Variants in PCDH17 observed in about 807,000 individuals in gnomAD.
PCDH17 encodes the protein protocadherin-17.
A neutral mutation model predicts 67.7 loss-of-function variants in PCDH17; 21 were observed. That is an observed-to-expected ratio of 0.31 (90% CI 0.22 to 0.45). PCDH17 has a LOEUF of 0.45. Ranked by LOEUF, PCDH17 falls within the 20% of genes least tolerant of loss-of-function variation. PCDH17 has a pLI of 1.00. For synonymous variants in PCDH17, 701 were observed against 656.7 expected (o/e 1.07, Z -1.03); for missense variants, 1,471 against 1,564.8 (o/e 0.94, Z 1.01).
chr13:57,632,661 G>A lies in PCDH17; in HGVS notation c.115G>A (p.Gly39Ser), dbSNP rs555111507. ...GGCCGGCACGGTGATCGGGAACATC[G>A]GCAGGGATGCTCGACTGCAGCCTGG... ...QGAGTVIGNI[G>S]RDARLQPGLP... Residue 39 changes from glycine to serine, a missense_variant, in exon 1 of 4, where the codon GGC (glycine) becomes AGC (serine). Gly to Ser is a moderately conservative substitution (Grantham distance 56, BLOSUM62 0). Around this residue, in one of 3 missense-constraint regions of PCDH17, gnomAD observed 1,163 missense variants for 1,230.0 expected, o/e 0.95. Transcript: ENST00000377918. 33 of 1,612,190 alleles carry A rather than the reference G, an allele frequency of 2.0e-5. No individual in the cohort carries two copies. Among genetic ancestry groups the A allele is most frequent in the South Asian group, 1.3e-4 (12 of 91,084 alleles).
intron 3 of PCDH17, among the ~76,000 whole-genome samples, chr13:57,703,849 A>G (rs1824910184): frequency 1.3e-5 from 2 of 152,118 alleles, no homozygotes; most frequent in South Asian, 4.1e-4. Flanking sequence ...TTTTCTTTGA[A>G]TTCCAAAAGT....
At chr13:57,699,048 G>A (rs1955637937) in intron 3 of PCDH17, among the ~76,000 whole-genome samples, 1 of 151,700 alleles carries the variant, frequency 6.6e-6, no homozygotes, top group Non-Finnish European at 1.5e-5. Flanking sequence ...TGAAGTATTA[G>A]AGATAACGGC....
intron 3 of PCDH17, among the ~76,000 whole-genome samples, chr13:57,700,996 C>T (rs1421412792): frequency 6.6e-6 from 1 of 151,982 alleles, no homozygotes; most frequent in African/African-American, 2.4e-5. Flanking sequence ...AACCCCATCT[C>T]AGTAACAATA....
chr13:57,663,377 T>G (rs2138019455), intron 1 of PCDH17, among the ~76,000 whole-genome samples: 1 of 152,272 alleles, frequency 6.6e-6, no homozygotes, highest in East Asian at 1.9e-4. Context: ...GACTTAAAAT[T>G]TATGAATTAT....
At chr13:57,714,422 T>C (rs527994686) in intron 3 of PCDH17, among the ~76,000 whole-genome samples, 35 of 151,774 alleles carry the variant, frequency 2.3e-4, no homozygotes, top group African/African-American at 8.4e-4. Context: ...GATTACCACT[T>C]TGCTAGGAGG....
In PCDH17 at chr13:57,633,848, A is replaced by G. The variant is rs897067156; in HGVS notation, c.1302A>G (p.Thr434=). ...VVTDRPLDRE[T]QDEYNVTIVA... is the part of the protein sequence containing the mutation. ...CTGACCGCCCGCTGGACCGCGAGAC[A>G]CAAGACGAGTACAACGTGACCATCG... The change falls in exon 1 of 4, where the codon ACA becomes ACG. Residue 434 remains threonine (T), a synonymous_variant. Coordinates refer to ENST00000377918, the MANE Select transcript of PCDH17 (RefSeq NM_001040429.3). The surrounding 1 kb of genome is among the most constrained non-coding windows in gnomAD (Gnocchi z 6.2). The G allele has an allele frequency of 6.2e-7, 1 of 1,612,994 alleles. No individual in the cohort carries two copies. Among genetic ancestry groups the G allele is most frequent in the Non-Finnish European group, 8.5e-7 (1 of 1,180,028 alleles).
intron 1 of PCDH17, among the ~76,000 whole-genome samples, chr13:57,644,016 G>T (rs1398112105): frequency 6.6e-6 from 1 of 151,604 alleles, no homozygotes; most frequent in African/African-American, 2.4e-5. Flanking sequence ...AGTGTAGAGT[G>T]AGATACAGGA....
intron 1 of PCDH17, among the ~76,000 whole-genome samples, chr13:57,641,240 G>A (rs1041142313): frequency 6.6e-5 from 10 of 151,556 alleles, no homozygotes; most frequent in African/African-American, 2.4e-4. Context: ...TTAGTCATAA[G>A]CTTTCACCAC....
intron 3 of PCDH17, among the ~76,000 whole-genome samples, chr13:57,690,402 A>G (rs1368176239): frequency 6.6e-6 from 1 of 151,716 alleles, no homozygotes; most frequent in East Asian, 1.9e-4. Flanking sequence ...AAGAATTACT[A>G]TAATATCATC....
In PCDH17 at chr13:57,725,547, AAGAG is replaced by A. The variant is rs1293032281; in HGVS notation, c.*257_*260del. On this transcript the variant is annotated 3_prime_UTR_variant, in exon 4 of 4. Coordinates refer to ENST00000377918, the MANE Select transcript of PCDH17 (RefSeq NM_001040429.3). ...ATGATGCTTAAAGAGAAAAGAAAAA[AAGAG>A]AGAAGAAAAAGGAGAGATGAAAAAG... 4.9e-6 allele frequency: 2 copies of A among 404,240 alleles called. No homozygotes were observed. The highest frequency in any genetic ancestry group is 8.8e-6 in the Non-Finnish European group (2 of 226,968). 25.0% of individuals were successfully genotyped at this position (404,240 alleles called of 1,614,324 possible).
At chr13:57,708,855 A>G (rs1593943979) in intron 3 of PCDH17, among the ~76,000 whole-genome samples, 1 of 151,932 alleles carries the variant, frequency 6.6e-6, no homozygotes, top group African/African-American at 2.4e-5. Context: ...TTCAGGCAGC[A>G]ATTGATTTCT....
At chr13:57,670,999 A>G (rs2138030981) in intron 3 of PCDH17, among the ~76,000 whole-genome samples, 1 of 152,100 alleles carries the variant, frequency 6.6e-6, no homozygotes, top group East Asian at 1.9e-4. Flanking sequence ...ACCCGTTAGT[A>G]GAAAGAGGTT....
Position 57,698,629 on chromosome 13 carries a change from C to T in PCDH17, c.2798-25983C>T, listed in dbSNP as rs543278723. Among the ~76,000 whole-genome samples, 4 of 151,846 alleles carry T rather than the reference C, an allele frequency of 2.6e-5. No homozygotes were observed. The East Asian group carries it at 7.8e-4, about 30-fold the overall frequency. On this transcript the variant is annotated intron_variant, in intron 3 of 3. Transcript: ENST00000377918. ...TATAGTGAAATAAGTTTACCTATTC[C>T]GCAGAAATCATTGAGTAATGTGATC...
At chr13:57,665,226 C>T (rs1955235721) in intron 1 of PCDH17, among the ~76,000 whole-genome samples, 1 of 149,536 alleles carries the variant, frequency 6.7e-6, no homozygotes, top group African/African-American at 2.5e-5. Context: ...TTTAAACTAT[C>T]ATTCTTTAAT....
At chr13:57,723,677 T>A (rs1955889496) in intron 3 of PCDH17, among the ~76,000 whole-genome samples, 1 of 152,136 alleles carries the variant, frequency 6.6e-6, no homozygotes, top group African/African-American at 2.4e-5. Flanking sequence ...AAGGGACAAC[T>A]GGGACGATGT....
intron 3 of PCDH17, among the ~76,000 whole-genome samples, chr13:57,705,879 G>A (rs1339437990): frequency 1.3e-5 from 2 of 152,006 alleles, no homozygotes; most frequent in Non-Finnish European, 2.9e-5. Flanking sequence ...GCTGGGTGTG[G>A]TGGCGCATGC....
intron 3 of PCDH17, among the ~76,000 whole-genome samples, chr13:57,693,986 G>C (rs1453170142): frequency 6.9e-6 from 1 of 145,812 alleles, no homozygotes; most frequent in Non-Finnish European, 1.5e-5. Flanking sequence ...TTTCTTTTTT[G>C]AGGTAAATGA....
In PCDH17 at chr13:57,634,167, A is replaced by T. The variant is rs1361045185; in HGVS notation, c.1621A>T (p.Asn541Tyr). ...NGAIYALRSF[N>Y]FEQTKAFEFK... is the part of the protein sequence containing the mutation. ...GGCCATCTACGCCCTGCGCTCCTTT[A>T]ACTTCGAGCAGACCAAGGCTTTTGA... Residue 541 changes from asparagine (N) to tyrosine (Y), a missense_variant, in exon 1 of 4, where the codon AAC becomes TAC. This residue lies in a region of PCDH17 where 1,163 missense variants were observed against 1,230.0 expected (regional missense o/e 0.95). Transcript: ENST00000377918. The surrounding 1 kb of genome is among the most constrained non-coding windows in gnomAD (Gnocchi z 7.8). 1 of 1,613,484 alleles carries T rather than the reference A, an allele frequency of 6.2e-7. No individual in the cohort carries two copies. The highest frequency in any genetic ancestry group is 8.5e-7 in the Non-Finnish European group (1 of 1,180,010).
intron 3 of PCDH17, among the ~76,000 whole-genome samples, chr13:57,674,138 A>T (rs986417629): frequency 1.3e-5 from 2 of 151,904 alleles, no homozygotes; most frequent in African/African-American, 4.8e-5. Flanking sequence ...CTACGGACTC[A>T]TGTGATTTTG....
Sources: gnomAD v4.1 joint callset for allele counts (sites outside exome capture counted in the v4.1 genomes callset) on GRCh38, gnomAD v4.1.1 for gene constraint, gnomAD v4.1.1 regional missense constraint, Gnocchi (gnomAD v3.1) non-coding constraint, MANE v1.5 for transcripts, NCBI Gene and HGNC (gene_info 2026-07-23, HGNC 2026-07-21) for gene names.